RARB: variants seen among roughly 807,000 people sequenced by gnomAD.
RARB encodes HBV-activated protein.
In RARB, 17 loss-of-function variants were observed where a neutral mutation model predicts 51.9. That is an observed-to-expected ratio of 0.33 (90% confidence interval 0.22 to 0.49). The LOEUF is 0.49. Ranked by LOEUF, RARB falls within the 20% of genes least tolerant of loss-of-function variation. The pLI, the probability that RARB is intolerant of heterozygous loss-of-function variation, is 0.99. For missense variants in RARB, 369 were observed against 550.8 expected (o/e 0.67, Z 3.30); for synonymous variants, 215 against 195.4 (o/e 1.10, Z -0.84).
At chr3:24,955,924 G>C (rs1450896483) in intron 2 of RARB, among the ~76,000 whole-genome samples, 1 of 152,160 alleles carries the variant, frequency 6.6e-6, no homozygotes, top group Non-Finnish European at 1.5e-5. Context: ...ATGACATCCA[G>C]TCTCCTCTTC....
chr3:25,311,300 G>A (rs1704282208), intron 5 of RARB, among the ~76,000 whole-genome samples: 1 of 152,208 alleles, frequency 6.6e-6, no homozygotes, highest in Admixed American at 6.5e-5. Context: ...TGGGAGTGAA[G>A]ACCAGATTCT....
intron 2 of RARB, among the ~76,000 whole-genome samples, chr3:25,030,765 C>T (rs1043370640): frequency 1.3e-5 from 2 of 152,168 alleles, no homozygotes; most frequent in Non-Finnish European, 2.9e-5. Flanking sequence ...TTCGGGTGCT[C>T]TCTTGCATTT....
chr3:25,045,083 A>T (rs2125296846), intron 2 of RARB, among the ~76,000 whole-genome samples: 1 of 152,340 alleles, frequency 6.6e-6, no homozygotes, highest in Admixed American at 6.5e-5. Flanking sequence ...TTTCAGTGGC[A>T]TCAGGAGGTT....
At chr3:25,079,601 A>G (rs994066459) in intron 3 of RARB, among the ~76,000 whole-genome samples, 4 of 152,214 alleles carry the variant, frequency 2.6e-5, no homozygotes, top group Non-Finnish European at 5.9e-5. Context: ...TAATATGTGC[A>G]TTGAATTTTT....
chr3:25,349,025 C>G (rs1418782553), intron 5 of RARB, among the ~76,000 whole-genome samples: 1 of 152,160 alleles, frequency 6.6e-6, no homozygotes, highest in Non-Finnish European at 1.5e-5. Context: ...AGGATCAATG[C>G]CATCAAGAAG....
chr3:25,257,303 G>A (rs1293124562), intron 5 of RARB, among the ~76,000 whole-genome samples: 1 of 152,104 alleles, frequency 6.6e-6, no homozygotes, highest in African/African-American at 2.4e-5. Flanking sequence ...ACTGGACTGT[G>A]TCCAGCACAG....
intron 5 of RARB, among the ~76,000 whole-genome samples, chr3:25,331,381 C>G (rs1704890684): frequency 6.6e-6 from 1 of 152,298 alleles, no homozygotes; most frequent in Admixed American, 6.5e-5. Context: ...TCACTCAGAA[C>G]AGCTCAACTA....
chr3:24,870,017 CA>C (rs1347550728), intron 2 of RARB, among the ~76,000 whole-genome samples: 1 of 152,022 alleles, frequency 6.6e-6, no homozygotes, highest in African/African-American at 2.4e-5. Context: ...ACTTCATGTT[CA>C]GTGAACATTT....
intron 5 of RARB, among the ~76,000 whole-genome samples, chr3:25,193,938 C>A (rs184594350): frequency 2.6e-5 from 4 of 151,914 alleles, no homozygotes; most frequent in Non-Finnish European, 5.9e-5. Context: ...TTTAGCTACA[C>A]AATTTAGATG....
At chr3:25,098,161 G>C (rs972016) in intron 3 of RARB, among the ~76,000 whole-genome samples, 1 of 152,036 alleles carries the variant, frequency 6.6e-6, no homozygotes, top group South Asian at 2.1e-4. Flanking sequence ...TTCCCACAGG[G>C]GGTGAAGCTG....
intron 2 of RARB, among the ~76,000 whole-genome samples, chr3:24,864,711 A>AT (rs1294407483): frequency 8.2e-5 from 7 of 85,716 alleles, no homozygotes; most frequent in African/African-American, 4.1e-4. Flanking sequence ...CACAGCTATT[A>AT]TTTTTTAAGT....
intron 4 of RARB, among the ~76,000 whole-genome samples, chr3:25,154,519 A>G (rs1700343666): frequency 6.6e-6 from 1 of 152,136 alleles, no homozygotes; most frequent in Non-Finnish European, 1.5e-5. Flanking sequence ...TCCAGCCTCA[A>G]AGCTTTGCTA....
chr3:25,203,828 C>T (rs149679297), intron 5 of RARB, among the ~76,000 whole-genome samples: 4,945 of 152,220 alleles, frequency 0.032, 110 homozygotes, highest in Middle Eastern at 0.095. Flanking sequence ...CTTCCCTTTG[C>T]GGGTAACCTG....
At chr3:25,367,817 C>CAAAAAAAA (rs369165017) in intron 5 of RARB, among the ~76,000 whole-genome samples, 7 of 125,588 alleles carry the variant, frequency 5.6e-5, no homozygotes, top group African/African-American at 1.3e-4. Context: ...AAAAAACAAG[C>CAAAAAAAA]AAAAAAAAAA....
At chr3:25,373,433 G>A (rs778530958) in intron 5 of RARB, among the ~76,000 whole-genome samples, 12 of 152,114 alleles carry the variant, frequency 7.9e-5, no homozygotes, top group Non-Finnish European at 1.2e-4. Flanking sequence ...GAGAATGCAC[G>A]TGCAGACCCT....
intron 2 of RARB, among the ~76,000 whole-genome samples, chr3:25,499,200 A>G (rs1697179272): frequency 6.6e-6 from 1 of 152,208 alleles, no homozygotes; most frequent in Admixed American, 6.5e-5. Flanking sequence ...TTTAGCTTTG[A>G]ACGTTCTTAG....
intron 2 of RARB, among the ~76,000 whole-genome samples, chr3:25,500,334 A>AT (rs898352654): frequency 6.6e-6 from 1 of 151,720 alleles, no homozygotes. Context: ...ATTTTGGATA[A>AT]TTTTTTTAAA....
intron 2 of RARB, among the ~76,000 whole-genome samples, chr3:25,024,725 G>A (rs1382326712): frequency 6.6e-6 from 1 of 152,032 alleles, no homozygotes; most frequent in Non-Finnish European, 1.5e-5. Flanking sequence ...GCCAAGACGG[G>A]CCAGATCACT....
chr3:25,247,326 G>A (rs1479140172), intron 5 of RARB, among the ~76,000 whole-genome samples: 1 of 152,214 alleles, frequency 6.6e-6, no homozygotes, highest in Non-Finnish European at 1.5e-5. Flanking sequence ...CCAGGGGAAT[G>A]AACTGTTCTG....
Sources: gnomAD v4.1 joint callset for allele counts (sites outside exome capture counted in the v4.1 genomes callset) on GRCh38, gnomAD v4.1.1 for gene constraint, MANE v1.5 for transcripts, NCBI Gene and HGNC (gene_info 2026-07-23, HGNC 2026-07-21) for gene names.